Variants in PTPRK observed in about 807,000 individuals in gnomAD.
PTPRK encodes the protein receptor-type tyrosine-protein phosphatase kappa.
A neutral mutation model predicts 178.0 loss-of-function variants in PTPRK; 75 were observed. The ratio of observed to expected loss-of-function variants is 0.42; its 90% CI spans 0.35 to 0.51. PTPRK has a LOEUF of 0.51. PTPRK is among the 20% of genes least tolerant of loss of function. The pLI, the probability that PTPRK is intolerant of heterozygous loss-of-function variation, is 0.02. For missense variants in PTPRK, 1,441 were observed against 1,797.8 expected (o/e 0.80, Z 3.59); for synonymous variants, 637 against 620.6 (o/e 1.03, Z -0.39).
intron 5 of PTPRK, among the ~76,000 whole-genome samples, chr6:128,227,263 A>C (rs1811515775): frequency 1.3e-5 from 2 of 152,204 alleles, no homozygotes; most frequent in South Asian, 4.1e-4. Context: ...CAACTATAAA[A>C]CCATGCAATT....
intron 7 of PTPRK, among the ~76,000 whole-genome samples, chr6:128,170,723 C>T (rs1327801339): frequency 6.6e-6 from 1 of 151,894 alleles, no homozygotes; most frequent in Non-Finnish European, 1.5e-5. Flanking sequence ...CAATTCCTTC[C>T]AAACCACACA....
intron 1 of PTPRK, among the ~76,000 whole-genome samples, chr6:128,423,803 G>C (rs1309335890): frequency 6.6e-6 from 1 of 152,030 alleles, no homozygotes; most frequent in East Asian, 1.9e-4. Flanking sequence ...ACTCCAGCCT[G>C]GGTGACAGAG....
At chr6:128,435,523 G>A (rs1368566880) in intron 1 of PTPRK, among the ~76,000 whole-genome samples, 1 of 152,112 alleles carries the variant, frequency 6.6e-6, no homozygotes, top group Non-Finnish European at 1.5e-5. Context: ...CTACAGCACC[G>A]AGGAAGAGGC....
chr6:128,052,898 C>T (rs1779262363), intron 13 of PTPRK, among the ~76,000 whole-genome samples: 1 of 152,086 alleles, frequency 6.6e-6, no homozygotes, highest in South Asian at 2.1e-4. Flanking sequence ...ATGAGGGGCC[C>T]CCTTGAGGTT....
intron 5 of PTPRK, among the ~76,000 whole-genome samples, chr6:128,234,585 C>G (rs1373641372): frequency 6.6e-6 from 1 of 152,224 alleles, no homozygotes; most frequent in Non-Finnish European, 1.5e-5. Context: ...AGGATATGAC[C>G]TTTTTGTGTC....
intron 13 of PTPRK, among the ~76,000 whole-genome samples, chr6:128,015,589 A>G (rs987510982): frequency 3.3e-5 from 5 of 151,730 alleles, no homozygotes; most frequent in Non-Finnish European, 7.4e-5. Flanking sequence ...AAATGACTTC[A>G]CTGCTTTACA....
chr6:128,435,248 A>C (rs17459362), intron 1 of PTPRK, among the ~76,000 whole-genome samples: 8,287 of 152,206 alleles, frequency 0.054, 271 homozygotes, highest in Non-Finnish European at 0.068. Context: ...GCTATGTTGG[A>C]TATGCTCCCA....
intron 2 of PTPRK, among the ~76,000 whole-genome samples, chr6:128,361,913 T>C (rs956950093): frequency 3.3e-5 from 5 of 152,174 alleles, no homozygotes; most frequent in African/African-American, 1.2e-4. Flanking sequence ...TTCCAGCTTA[T>C]TCTCACCCAA....
intron 1 of PTPRK, among the ~76,000 whole-genome samples, chr6:128,464,622 T>TATATATATACAC (rs1849519637): frequency 1.5e-5 from 1 of 66,330 alleles, no homozygotes; most frequent in Non-Finnish European, 2.5e-5. Context: ...TACATATACA[T>TATATATATACAC]ATATATATAT....
At chr6:128,431,145 C>T (rs771885741) in intron 1 of PTPRK, among the ~76,000 whole-genome samples, 3 of 151,840 alleles carry the variant, frequency 2.0e-5, no homozygotes, top group African/African-American at 4.8e-5. Flanking sequence ...ACCATGTTGG[C>T]CAGTCTGGTC....
chr6:128,219,723 C>T (rs1343461448), intron 5 of PTPRK, among the ~76,000 whole-genome samples: 1 of 152,196 alleles, frequency 6.6e-6, no homozygotes, highest in Non-Finnish European at 1.5e-5. Flanking sequence ...TTCATTGCCC[C>T]CATGCTCTCA....
chr6:128,518,090 A>G (rs148625174), intron 1 of PTPRK, among the ~76,000 whole-genome samples: 96 of 152,386 alleles, frequency 6.3e-4, no homozygotes, highest in Middle Eastern at 3.4e-3. Flanking sequence ...AGGCAAATCC[A>G]CAATCTGACT....
chr6:128,337,532 C>T (rs1831105112), intron 2 of PTPRK, among the ~76,000 whole-genome samples: 1 of 152,096 alleles, frequency 6.6e-6, no homozygotes, highest in African/African-American at 2.4e-5. Context: ...CTATATTATG[C>T]CACCTATCAA....
chr6:128,196,841 A>G (rs1804934268), intron 6 of PTPRK, among the ~76,000 whole-genome samples: 1 of 152,198 alleles, frequency 6.6e-6, no homozygotes, highest in African/African-American at 2.4e-5. Flanking sequence ...TAAATTTCAA[A>G]TTCCCTATCC....
chr6:128,472,631 T>C, intron 1 of PTPRK: 1 of 281,818 alleles, frequency 3.5e-6, no homozygotes, highest in South Asian at 3.7e-5. Context: ...TACATATTAA[T>C]ATTTTTAAAA....
At chr6:128,214,202 A>G (rs188642203) in intron 6 of PTPRK, among the ~76,000 whole-genome samples, 42 of 152,262 alleles carry the variant, frequency 2.8e-4, no homozygotes, top group Admixed American at 5.9e-4. Flanking sequence ...TAGGTTTTGA[A>G]TGCTTTCCTT....
chr6:128,165,956 G>T (rs140029548), intron 7 of PTPRK, among the ~76,000 whole-genome samples: 316 of 151,714 alleles, frequency 2.1e-3, no homozygotes, highest in Non-Finnish European at 4.0e-3. Flanking sequence ...CTGCATGACA[G>T]AAGAATTTCT....
intron 5 of PTPRK, among the ~76,000 whole-genome samples, chr6:128,221,637 T>G (rs1216635878): frequency 6.6e-6 from 1 of 152,060 alleles, no homozygotes; most frequent in Non-Finnish European, 1.5e-5. Context: ...ATGTAGTAAA[T>G]ACATATATGT....
chr6:128,341,152 T>G (rs900786402), intron 2 of PTPRK, among the ~76,000 whole-genome samples: 1 of 152,164 alleles, frequency 6.6e-6, no homozygotes, highest in African/African-American at 2.4e-5. Flanking sequence ...TTTTTCTATA[T>G]GTACTCTAAA....
Sources: gnomAD v4.1 joint callset for allele counts (sites outside exome capture counted in the v4.1 genomes callset) on GRCh38, gnomAD v4.1.1 for gene constraint, MANE v1.5 for transcripts, NCBI Gene and HGNC (gene_info 2026-07-23, HGNC 2026-07-21) for gene names.